Variants in NEK10 observed in about 807,000 individuals in gnomAD.
NEK10 encodes NIMA related kinase 10.
In NEK10, 122 loss-of-function variants were observed where a neutral mutation model predicts 159.8. That is an observed-to-expected ratio of 0.76 (90% confidence interval 0.66 to 0.89). The LOEUF (loss-of-function observed/expected upper bound fraction) is 0.89. Among genes scored for constraint, NEK10 ranks in the 40% least tolerant of loss-of-function variants. The probability of loss-of-function intolerance (pLI) is 0.00; values close to 1 mark genes in which losing one functional copy is unlikely to be tolerated. For missense variants in NEK10, 1,342 were observed against 1,323.1 expected (o/e 1.01, Z -0.22); for synonymous variants, 466 against 457.1 (o/e 1.02, Z -0.25).
At chr3:27,162,463 T>C (rs758311768) in intron 30 of NEK10, 12 of 1,613,984 alleles carry the variant, frequency 7.4e-6, no homozygotes, top group African/African-American at 6.7e-5. Flanking sequence ...AGTACTACCA[T>C]GATCTTTGAG....
At chr3:27,179,818 C>T (rs1169760696) in intron 26 of NEK10, among the ~76,000 whole-genome samples, 1 of 152,192 alleles carries the variant, frequency 6.6e-6, no homozygotes, top group Non-Finnish European at 1.5e-5. Context: ...TGGTGGTTCA[C>T]ACCTGTAATC....
At chr3:27,311,974 A>C in intron 8 of NEK10, 125 bp downstream of exon 8, 1 of 696,890 alleles carries the variant, frequency 1.4e-6, no homozygotes, top group Non-Finnish European at 2.6e-6. Flanking sequence ...CTGGATGCTC[A>C]ACACCTGAGC....
intron 22 of NEK10, among the ~76,000 whole-genome samples, chr3:27,281,061 C>T (rs1041744885): frequency 1.3e-5 from 2 of 150,194 alleles, no homozygotes; most frequent in African/African-American, 4.9e-5. Flanking sequence ...AAATAAAACA[C>T]AAAATAAGAC....
At chr3:27,192,943 G>A (rs982859987) in intron 25 of NEK10, among the ~76,000 whole-genome samples, 1 of 152,058 alleles carries the variant, frequency 6.6e-6, no homozygotes, top group Non-Finnish European at 1.5e-5. Context: ...TCATTTTGCT[G>A]GGGTTTAAAA....
At chr3:27,341,289 C>T (rs1338315972) in intron 5 of NEK10, among the ~76,000 whole-genome samples, 1 of 152,068 alleles carries the variant, frequency 6.6e-6, no homozygotes, top group East Asian at 1.9e-4. Flanking sequence ...CATTTGACAG[C>T]AGAATCGCGT....
intron 30 of NEK10, among the ~76,000 whole-genome samples, chr3:27,141,894 T>C (rs915908565): frequency 2.0e-5 from 3 of 152,298 alleles, no homozygotes; most frequent in African/African-American, 7.2e-5. Context: ...TTAGATACAG[T>C]AGCCACTGAA....
At chr3:27,249,080 C>T (rs12488241) in intron 23 of NEK10, among the ~76,000 whole-genome samples, 35,363 of 152,094 alleles carry the variant, frequency 0.23, 4,472 homozygotes, top group Middle Eastern at 0.37. Context: ...ATCATGGGGG[C>T]GATATCCCCC....
intron 23 of NEK10, among the ~76,000 whole-genome samples, chr3:27,247,336 G>C (rs1287531210): frequency 6.6e-6 from 1 of 151,970 alleles, no homozygotes; most frequent in Non-Finnish European, 1.5e-5. Flanking sequence ...CATCATGAAG[G>C]GATGTTGAAT....
chr3:27,196,667 G>A, intron 25 of NEK10, among the ~76,000 whole-genome samples: 1 of 152,190 alleles, frequency 6.6e-6, no homozygotes, highest in East Asian at 1.9e-4. Flanking sequence ...GAGATTTACA[G>A]TCTATTTGCC....
intron 25 of NEK10, among the ~76,000 whole-genome samples, chr3:27,195,250 C>T (rs1330782360): frequency 6.6e-6 from 1 of 152,190 alleles, no homozygotes; most frequent in Non-Finnish European, 1.5e-5. Context: ...TGAGCCTGAT[C>T]TTTTGCTGAG....
chr3:27,153,953 A>G (rs1461706234), intron 30 of NEK10, among the ~76,000 whole-genome samples: 2 of 152,198 alleles, frequency 1.3e-5, no homozygotes, highest in African/African-American at 4.8e-5. Context: ...GAAATAACCA[A>G]GATCAAAGCA....
chr3:27,320,130 T>A (rs1372734098), intron 6 of NEK10, among the ~76,000 whole-genome samples: 1 of 152,172 alleles, frequency 6.6e-6, no homozygotes, highest in Non-Finnish European at 1.5e-5. Flanking sequence ...TCGGAGATAA[T>A]TCCCTTCTAT....
intron 30 of NEK10, among the ~76,000 whole-genome samples, chr3:27,151,796 A>G (rs1483365211): frequency 1.3e-5 from 2 of 152,228 alleles, no homozygotes; most frequent in Non-Finnish European, 2.9e-5. Flanking sequence ...AGGGAAATAG[A>G]TAGTTTAAAG....
At chr3:27,211,350 G>T (rs562389890) in intron 23 of NEK10, among the ~76,000 whole-genome samples, 10 of 152,258 alleles carry the variant, frequency 6.6e-5, no homozygotes, top group African/African-American at 2.4e-4. Context: ...GACAATAAGT[G>T]AGCTAGAAAA....
chr3:27,333,120 A>G (rs2046542599), intron 5 of NEK10, among the ~76,000 whole-genome samples: 1 of 152,186 alleles, frequency 6.6e-6, no homozygotes, highest in Non-Finnish European at 1.5e-5. Context: ...AGGAGAAGGA[A>G]GTAAGGAAGC....
intron 22 of NEK10, among the ~76,000 whole-genome samples, chr3:27,267,304 T>C (rs530845445): frequency 6.6e-6 from 1 of 152,340 alleles, no homozygotes; most frequent in East Asian, 1.9e-4. Flanking sequence ...CTTCTTTGTA[T>C]AGTTTGCCTC....
chr3:27,272,130 A>C (rs1559402813), intron 22 of NEK10, among the ~76,000 whole-genome samples: 1 of 152,200 alleles, frequency 6.6e-6, no homozygotes, highest in East Asian at 1.9e-4. Flanking sequence ...AGGTATTCCC[A>C]ACCCTATCCA....
intron 5 of NEK10, among the ~76,000 whole-genome samples, chr3:27,322,464 C>CT (rs35035389): frequency 8.6e-5 from 9 of 105,096 alleles, no homozygotes; most frequent in Non-Finnish European, 2.0e-4. Flanking sequence ...GGAGGAGAGG[C>CT]CCCCCCCAAA....
intron 22 of NEK10, among the ~76,000 whole-genome samples, chr3:27,279,405 C>A (rs1195008860): frequency 1.3e-5 from 2 of 152,168 alleles, no homozygotes; most frequent in East Asian, 3.9e-4. Flanking sequence ...CAGCAGCCAG[C>A]CCATTCTCAC....
Sources: gnomAD v4.1 joint callset for allele counts (sites outside exome capture counted in the v4.1 genomes callset) on GRCh38, gnomAD v4.1.1 for gene constraint, MANE v1.5 for transcripts, NCBI Gene and HGNC (gene_info 2026-07-23, HGNC 2026-07-21) for gene names.